The following UBE2D2 variants were observed in gnomAD, a reference collection of about 807,000 sequenced individuals.
The protein encoded by UBE2D2 is ubiquitin conjugating enzyme E2 D2, also known as ubiquitin-conjugating enzyme E2 D2.
Under a neutral mutation model 24.2 loss-of-function variants are expected in UBE2D2, and 2 were observed. The observed-to-expected ratio is 0.08, with a 90% CI of 0.03 to 0.26. The LOEUF is 0.26. Ranked by LOEUF, UBE2D2 falls within the 10% of genes least tolerant of loss-of-function variation. The pLI is 1.00. For missense variants in UBE2D2, 44 were observed against 177.6 expected (o/e 0.25, Z 4.28); for synonymous variants, 58 against 56.5 (o/e 1.03, Z -0.12).
intron 5 of UBE2D2, among the ~76,000 whole-genome samples, chr5:139,616,520 G>C (rs1427305279): frequency 6.6e-6 from 1 of 152,164 alleles, no homozygotes; most frequent in Non-Finnish European, 1.5e-5. Context: ...TAGATGAATG[G>C]ACACAGGGGA....
intron 2 of UBE2D2, among the ~76,000 whole-genome samples, chr5:139,611,526 A>T (rs1210413776): frequency 6.6e-6 from 1 of 152,126 alleles, no homozygotes; most frequent in Non-Finnish European, 1.5e-5. Context: ...CGACATTCTT[A>T]GTGTGTAGAC....
chr5:139,553,008 C>A (rs1368889648), intron 1 of UBE2D2, among the ~76,000 whole-genome samples: 1 of 150,538 alleles, frequency 6.6e-6, no homozygotes, highest in African/African-American at 2.4e-5. Flanking sequence ...TAGTAGAGAC[C>A]GGGTTTCTCC....
chr5:139,578,444 G>T (rs528040298), intron 1 of UBE2D2, among the ~76,000 whole-genome samples: 1 of 151,608 alleles, frequency 6.6e-6, no homozygotes, highest in African/African-American at 2.4e-5. Context: ...TTGTGTGTGT[G>T]TGTGTGTGTG....
chr5:139,549,213 G>A (rs778382222), intron 1 of UBE2D2, among the ~76,000 whole-genome samples: 17 of 152,112 alleles, frequency 1.1e-4, no homozygotes, highest in African/African-American at 2.2e-4. Context: ...CATTCTGGGC[G>A]CCTCCTCGGC....
In UBE2D2 at chr5:139,567,762, G is replaced by T. The variant is rs963857362; in HGVS notation, c.24+5947G>T. Among the ~76,000 whole-genome samples the T allele has an allele frequency of 9.2e-5, 14 of 151,748 alleles. No individual in the cohort carries two copies. In the South Asian group the frequency reaches 2.9e-3, roughly 32 times the overall value. On this transcript the variant is annotated intron_variant, in intron 1 of 6. Coordinates refer to ENST00000398733, the MANE Select transcript of UBE2D2 (RefSeq NM_003339.3). ...TTGGCCAAGCTGGTCTCAAACTCCT[G>T]ACCTCCAGTGATCCACCCGCCTCGA...
At chr5:139,550,809 A>C (rs781351374) in intron 1 of UBE2D2, among the ~76,000 whole-genome samples, 28 of 152,130 alleles carry the variant, frequency 1.8e-4, no homozygotes, top group Middle Eastern at 3.2e-3. Flanking sequence ...CCACAAATCC[A>C]CCAGAAGGAA....
At position 139,592,596 on chromosome 5, in the gene UBE2D2, CTT is replaced by C. The variant is rs34558950; in HGVS notation, c.25-7755_25-7754del. Among the ~76,000 whole-genome samples, 117 of 104,896 alleles carry C rather than the reference CTT, an allele frequency of 1.1e-3. 1 individual carries two copies. Among genetic ancestry groups the C allele is most frequent in the South Asian group, 7.9e-3 (23 of 2,916 alleles). The allele number at this position is 104,896 out of a possible 152,430, so 68.8% of individuals were successfully genotyped here. On this transcript the variant is annotated intron_variant, in intron 1 of 6. Transcript: ENST00000398733. The stretch of plus-strand genomic sequence containing the variant: ...TGTTGTTTCTTTGCAGTTCAGTAAT[CTT>C]TTTTTTTTTTTTTTTTTTTTGAGAG...
At chr5:139,569,254 A>G (rs1753303527) in intron 1 of UBE2D2, among the ~76,000 whole-genome samples, 1 of 152,170 alleles carries the variant, frequency 6.6e-6, no homozygotes, top group Non-Finnish European at 1.5e-5. Context: ...TCCTTTACAA[A>G]AGATCATTGA....
chr5:139,585,136 A>G (rs1409259805), intron 1 of UBE2D2, among the ~76,000 whole-genome samples: 4 of 148,920 alleles, frequency 2.7e-5, no homozygotes, highest in African/African-American at 7.4e-5. Flanking sequence ...CGCACCTCAC[A>G]TGATCCACCC....
At chr5:139,624,461 A>C (rs2126710781) in intron 6 of UBE2D2, among the ~76,000 whole-genome samples, 1 of 152,288 alleles carries the variant, frequency 6.6e-6, no homozygotes, top group Non-Finnish European at 1.5e-5. Flanking sequence ...TATTCAGTGA[A>C]GTTATAAGAG....
chr5:139,533,342 A>G (rs528722091), intron 1 of UBE2D2, among the ~76,000 whole-genome samples: 1 of 151,806 alleles, frequency 6.6e-6, no homozygotes, highest in African/African-American at 2.4e-5. Flanking sequence ...TATACCTCAA[A>G]AAAGAGGTTG....
intron 2 of UBE2D2, among the ~76,000 whole-genome samples, chr5:139,600,858 A>C (rs1173011600): frequency 1.3e-5 from 2 of 152,134 alleles, no homozygotes; most frequent in African/African-American, 2.4e-5. Flanking sequence ...GCTGGAGTGC[A>C]GTGGCGTGAT....
chr5:139,560,267 G>A (rs914058978), upstream of UBE2D2, among the ~76,000 whole-genome samples: 5 of 150,474 alleles, frequency 3.3e-5, no homozygotes, highest in Admixed American at 3.3e-4. Context: ...GCGTGATCTC[G>A]GCTCACGGCA....
intron 1 of UBE2D2, among the ~76,000 whole-genome samples, chr5:139,584,927 G>T (rs1236605486): frequency 8.1e-6 from 1 of 123,766 alleles, no homozygotes; most frequent in Admixed American, 8.0e-5. Context: ...TGAGACACAG[G>T]TTCGCTCTTG....
chr5:139,609,363 T>C (rs1581527142), intron 2 of UBE2D2, among the ~76,000 whole-genome samples: 1 of 151,888 alleles, frequency 6.6e-6, no homozygotes, highest in East Asian at 1.9e-4. Flanking sequence ...GACAACATAG[T>C]GAGACCCCAT....
intron 1 of UBE2D2, among the ~76,000 whole-genome samples, chr5:139,563,252 C>G (rs1753147885): frequency 6.6e-6 from 1 of 152,120 alleles, no homozygotes; most frequent in Non-Finnish European, 1.5e-5. Flanking sequence ...CATTTTTGCT[C>G]AAAGACAGTG....
chr5:139,542,118 C>T (rs576482674), intron 1 of UBE2D2, among the ~76,000 whole-genome samples: 11 of 152,174 alleles, frequency 7.2e-5, no homozygotes, highest in African/African-American at 1.7e-4. Context: ...ACCTGGGAGG[C>T]GGAGGTTGCA....
intron 2 of UBE2D2, among the ~76,000 whole-genome samples, chr5:139,605,240 G>A (rs1754172652): frequency 6.6e-6 from 1 of 152,120 alleles, no homozygotes; most frequent in South Asian, 2.1e-4. Context: ...TAATGTACTA[G>A]TAAATTTTTT....
chr5:139,584,548 T>C (rs1486971521), intron 1 of UBE2D2, among the ~76,000 whole-genome samples: 2 of 150,906 alleles, frequency 1.3e-5, no homozygotes, highest in Non-Finnish European at 3.0e-5. Flanking sequence ...TTTTTTTTTT[T>C]GAGACAAGAG....
Sources: allele counts gnomAD v4.1 joint callset (sites outside exome capture counted in the v4.1 genomes callset), GRCh38; gene constraint gnomAD v4.1.1; transcripts MANE v1.5; gene names NCBI Gene and HGNC (gene_info 2026-07-23, HGNC 2026-07-21).